The following PROC variants were observed in gnomAD, a reference collection of about 807,000 sequenced individuals.
PROC encodes vitamin K-dependent protein C.
Under a neutral mutation model 36.3 loss-of-function variants are expected in PROC, and 22 were observed. That is an observed-to-expected ratio of 0.61 (90% CI 0.43 to 0.86). PROC has a LOEUF of 0.86. Ranked by LOEUF, PROC falls within the 40% of genes least tolerant of loss-of-function variation. The probability of loss-of-function intolerance (pLI) is 0.00; values close to 1 mark genes in which losing one functional copy is unlikely to be tolerated. For synonymous variants in PROC, 218 were observed against 244.5 expected (o/e 0.89, Z 1.01); for missense variants, 526 against 629.7 (o/e 0.84, Z 1.76).
chr2:127,424,235 G>T (rs1272399704), intron 6 of PROC, among the ~76,000 whole-genome samples: 1 of 150,564 alleles, frequency 6.6e-6, no homozygotes, highest in Non-Finnish European at 1.5e-5. Flanking sequence ...TTTCACTCTT[G>T]TTGTCCCAGG....
intron 3 of PROC, among the ~76,000 whole-genome samples, chr2:127,422,042 C>T (rs538202589): frequency 1.1e-4 from 17 of 152,328 alleles, no homozygotes; most frequent in African/African-American, 4.1e-4. Context: ...CTCAGACCCG[C>T]TCTGTCCCTG....
At chr2:127,419,580 A>C (rs1055034433) in intron 1 of PROC, 16 of 384,216 alleles carry the variant, frequency 4.2e-5, no homozygotes, top group Non-Finnish European at 3.0e-5. Flanking sequence ...TTTGAAAGAC[A>C]CCATGAGTGT....
At position 127,426,334 on chromosome 2, in the gene PROC, T is replaced by C; in HGVS notation, c.678+107T>C. The C allele has an allele frequency of 6.6e-7, 1 of 1,510,102 alleles. No homozygotes were observed. The highest frequency in any genetic ancestry group is 1.2e-5 in the South Asian group (1 of 86,842). 93.5% of individuals were successfully genotyped at this position (1,510,102 alleles called of 1,614,324 possible). A position where few individuals can be genotyped will look rare whatever the true frequency, so the allele number is the denominator to read the frequency against. ...AGAAACCGAGAGGGAAGCGCTGCCA[T>C]TGCGTTTGGGGGATGATGAAGGTGG... is the stretch of plus-strand genomic sequence containing the variant. On this transcript the variant is annotated intron_variant, in intron 7 of 8. Transcript: ENST00000234071. This position sits in a 1 kb window ranked among gnomAD's most constrained non-coding sequence, Gnocchi z 7.0.
chr2:127,428,947 C>T lies in PROC; in HGVS notation c.*1C>T, dbSNP rs199900627. 63 of 1,613,782 alleles carry T rather than the reference C, an allele frequency of 3.9e-5. No individual in the cohort carries two copies. The highest frequency in any genetic ancestry group is 1.6e-4 in the Middle Eastern group (1 of 6,062). ...CCCCCAGAAGAGCTGGGCACCTTAG[C>T]GACCCTCCCTGCAGGGCTGGGCTTT... On this transcript the variant is annotated 3_prime_UTR_variant, in exon 9 of 9. Coordinates refer to ENST00000234071, the MANE Select transcript of PROC (RefSeq NM_000312.4).
Position 127,418,546 on chromosome 2 carries a change from G to C in PROC, c.-22+54G>C. On this transcript the variant is annotated intron_variant, in intron 1 of 8. Transcript: ENST00000234071. The surrounding 1 kb of genome is among the most constrained non-coding windows in gnomAD (Gnocchi z 4.8). ...GGGGTGTGGAGGGAGGGCTGCCCCC[G>C]GGAGAAGAGAGCTAGGTGGTGATGA... 3 of 1,273,302 alleles carry C rather than the reference G, an allele frequency of 2.4e-6. No individual in the cohort carries two copies. The highest frequency in any genetic ancestry group is 1.2e-5 in the South Asian group (1 of 80,722). The allele number at this position is 1,273,302 out of a possible 1,614,324, so 78.9% of individuals were successfully genotyped here. A position where few individuals can be genotyped will look rare whatever the true frequency, so the allele number is the denominator to read the frequency against.
At chr2:127,428,289 G>A (rs971000942) in intron 8 of PROC, 68 bp from the exon 9 acceptor site, 16 of 1,468,618 alleles carry the variant, frequency 1.1e-5, no homozygotes, top group African/African-American at 2.8e-5. Context: ...CAGTGGGTGG[G>A]CCTCAGGAAA....
At position 127,426,662 on chromosome 2, in the gene PROC, C is replaced by A. The variant is rs886191733; in HGVS notation, c.678+435C>A. The A allele has an allele frequency of 6.1e-6, 2 of 329,004 alleles. No homozygotes were observed. Among genetic ancestry groups the A allele is most frequent in the East Asian group, 1.5e-4 (2 of 13,056 alleles). 20.4% of individuals were successfully genotyped at this position (329,004 alleles called of 1,614,324 possible). On this transcript the variant is annotated intron_variant, in intron 7 of 8. Coordinates refer to ENST00000234071, the MANE Select transcript of PROC (RefSeq NM_000312.4). The surrounding 1 kb of genome is among the most constrained non-coding windows in gnomAD (Gnocchi z 7.0). Reference sequence around the variant, plus strand: ...GAACCAACAAGTGGGAGTATTTGCCCTGGGGACTCAGACTCTGCAAGGGTC... The same window carrying A: ...GAACCAACAAGTGGGAGTATTTGCCATGGGGACTCAGACTCTGCAAGGGTC...
In PROC at chr2:127,418,918, A is replaced by G. The variant is rs1457392020; in HGVS notation, c.-22+426A>G. ...GGGGAGGGTTCCTTGATCTCTGGCC[A>G]CCAGGGCTATCTCTGTGGCCTTTTG... On this transcript the variant is annotated intron_variant, in intron 1 of 8. Transcript: ENST00000234071. The surrounding 1 kb of genome is among the most constrained non-coding windows in gnomAD (Gnocchi z 4.8). Among the ~76,000 whole-genome samples, 1 of 152,168 alleles carries G rather than the reference A, an allele frequency of 6.6e-6. No homozygotes were observed. Among genetic ancestry groups the G allele is most frequent in the Admixed American group, 6.5e-5 (1 of 15,282 alleles).
chr2:127,423,554 G>A, intron 6 of PROC, 146 bp downstream of exon 6: 1 of 1,092,850 alleles, frequency 9.2e-7, no homozygotes, highest in Non-Finnish European at 1.2e-6. Context: ...CGGCAGACGC[G>A]CCCCAACACC....
chr2:127,420,481 T>A (rs931780187), intron 2 of PROC, among the ~76,000 whole-genome samples: 1 of 152,132 alleles, frequency 6.6e-6, no homozygotes, highest in Non-Finnish European at 1.5e-5. Flanking sequence ...GCAGGACACA[T>A]GGGCCCCTAA....
Position 127,426,978 on chromosome 2 carries a change from C to T in PROC, c.679-127C>T. 1 of 842,152 alleles carries T rather than the reference C, an allele frequency of 1.2e-6. No individual in the cohort carries two copies. Among genetic ancestry groups the T allele is most frequent in the Non-Finnish European group, 2.0e-6 (1 of 490,838 alleles). The allele number at this position is 842,152 out of a possible 1,614,324, so 52.2% of individuals were successfully genotyped here. Reference sequence around the variant, plus strand: ...TAAAATGGGCAAAAATAGAAAACGCCAGAAAGGGCCTAAGCCTATGCCCAT... The same window carrying T: ...TAAAATGGGCAAAAATAGAAAACGCTAGAAAGGGCCTAAGCCTATGCCCAT... On this transcript the variant is annotated intron_variant, in intron 7 of 8. Transcript: ENST00000234071. This position sits in a 1 kb window ranked among gnomAD's most constrained non-coding sequence, Gnocchi z 7.0.
At chr2:127,421,183 TTCCCAGGCTC>T in intron 2 of PROC, 90 bp from the exon 3 acceptor site, 2 of 1,309,138 alleles carry the variant, frequency 1.5e-6, no homozygotes, top group South Asian at 2.4e-5. Flanking sequence ...AGACAAGACC[TTCCCAGGCTC>T]TCCCAGCTCT....
chr2:127,426,009 T>C lies in PROC; in HGVS notation c.536-76T>C. On this transcript the variant is annotated intron_variant, in intron 6 of 8. Transcript: ENST00000234071. The surrounding 1 kb of genome is among the most constrained non-coding windows in gnomAD (Gnocchi z 7.0). ...CACTGTGGCAAAGTGGCCCACAGGC[T>C]GGAGGAGGACCAAGACAGGAGGGCA... 6.3e-7 allele frequency: 1 copy of C among 1,594,774 alleles called. No homozygotes were observed. Among genetic ancestry groups the C allele is most frequent in the Non-Finnish European group, 8.6e-7 (1 of 1,164,314 alleles).
In PROC at chr2:127,423,148, G is replaced by C; in HGVS notation, c.377G>C (p.Trp126Ser). 6.3e-7 allele frequency: 1 copy of C among 1,599,346 alleles called. No homozygotes were observed. The highest frequency in any genetic ancestry group is 1.1e-5 in the South Asian group (1 of 89,922). ...TTCAGCTGCGACTGCCGCAGCGGCT[G>C]GGAGGGCCGCTTCTGCCAGCGCGGT... is the stretch of plus-strand genomic sequence containing the variant. ...GSFSCDCRSG[W>S]EGRFCQREVS... Residue 126 changes from tryptophan (W) to serine (S), a missense_variant, in exon 5 of 9, where the codon TGG (tryptophan) becomes TCG (serine). Coordinates refer to ENST00000234071, the MANE Select transcript of PROC (RefSeq NM_000312.4).
In PROC at chr2:127,420,025, C is replaced by G. The variant is rs200660332; in HGVS notation, c.70+13C>G. The G allele has an allele frequency of 5.4e-5, 87 of 1,612,758 alleles. No individual in the cohort carries two copies. The highest frequency in any genetic ancestry group is 7.3e-5 in the Non-Finnish European group (86 of 1,179,836). On this transcript the variant is annotated intron_variant, in intron 2 of 8. Transcript: ENST00000234071. ...CCAGCTCCTCTTGGTAAGGCCACCC[C>G]ACCCCTACCCCGGGACCCTTGTGGC...
chr2:127,424,834 G>GT (rs1472614629), intron 6 of PROC, among the ~76,000 whole-genome samples: 2 of 152,224 alleles, frequency 1.3e-5, no homozygotes, highest in Admixed American at 1.3e-4. Context: ...ACCCCAGATC[G>GT]TGAGGGCTTT....
chr2:127,427,265 G>C, intron 8 of PROC, 43 bp downstream of exon 8: 1 of 1,560,998 alleles, frequency 6.4e-7, no homozygotes, highest in Non-Finnish European at 8.8e-7. Context: ...CAGAGGCCTG[G>C]GTAGGGGGAC....
At chr2:127,425,798 T>C (rs1179306137) in intron 6 of PROC, among the ~76,000 whole-genome samples, 2 of 152,156 alleles carry the variant, frequency 1.3e-5, no homozygotes, top group African/African-American at 4.8e-5. Context: ...TGGGGTACAA[T>C]GAGCCTTCAA....
rs906803433 is a variant in PROC at position 127,422,801 on chromosome 2, T to C, written c.238-116T>C. On this transcript the variant is annotated intron_variant, in intron 3 of 8. Coordinates refer to ENST00000234071, the MANE Select transcript of PROC (RefSeq NM_000312.4). ...CCAACGACCATCGGGCGTCGATCCCTGTTTGTCTGGAAGCCCTCCCCTCCC... is the reference window on the plus strand; with the variant it reads ...CCAACGACCATCGGGCGTCGATCCCCGTTTGTCTGGAAGCCCTCCCCTCCC... 46 of 1,404,710 alleles carry C rather than the reference T, an allele frequency of 3.3e-5. No individual in the cohort carries two copies. The Admixed American group carries it at 8.5e-4, about 26-fold the overall frequency. The allele number at this position is 1,404,710 out of a possible 1,614,324, so 87.0% of individuals were successfully genotyped here.
Sources: gnomAD v4.1 joint callset for allele counts (sites outside exome capture counted in the v4.1 genomes callset) on GRCh38, gnomAD v4.1.1 for gene constraint, Gnocchi (gnomAD v3.1) non-coding constraint, MANE v1.5 for transcripts, NCBI Gene and HGNC (gene_info 2026-07-23, HGNC 2026-07-21) for gene names.